LMBR1: variants seen among roughly 807,000 people sequenced by gnomAD.
The protein encoded by LMBR1 is limb region 1 protein homolog.
A neutral mutation model predicts 73.9 loss-of-function variants in LMBR1; 52 were observed. The observed-to-expected ratio is 0.70, with a 90% CI of 0.56 to 0.89. LMBR1 has a LOEUF of 0.89. LMBR1 is among the 40% of genes least tolerant of loss of function. LMBR1 has a pLI of 0.00. For missense variants in LMBR1, 539 were observed against 579.8 expected, an observed-to-expected ratio of 0.93 and a Z score of 0.72; for synonymous variants, 215 against 209.4, an observed-to-expected ratio of 1.03 and a Z score of -0.23.
chr7:156,761,334 C>T (rs957963901), intron 8 of LMBR1, among the ~76,000 whole-genome samples: 13 of 151,956 alleles, frequency 8.6e-5, no homozygotes, highest in African/African-American at 2.4e-4. Flanking sequence ...CCAAAGAAAG[C>T]GACAAATCAT....
At chr7:156,847,839 T>C (rs929645474) in intron 1 of LMBR1, among the ~76,000 whole-genome samples, 1 of 152,194 alleles carries the variant, frequency 6.6e-6, no homozygotes, top group African/African-American at 2.4e-5. Flanking sequence ...CACAGCCACT[T>C]TGGAAGATAA....
intron 4 of LMBR1, among the ~76,000 whole-genome samples, chr7:156,817,347 A>C (rs1834074063): frequency 6.6e-6 from 1 of 152,210 alleles, no homozygotes; most frequent in Non-Finnish European, 1.5e-5. Context: ...TTAAAGATCT[A>C]ATCCAATTAT....
In LMBR1 at chr7:156,807,256, T is replaced by A. The variant is rs1177700275; in HGVS notation, c.320-10764A>T. On this transcript the variant is annotated intron_variant, in intron 4 of 16. Coordinates refer to ENST00000353442, the MANE Select transcript of LMBR1 (RefSeq NM_022458.4). ...ATGCTGACCTCAGTGAATTAGGAAA[T>A]GTTCCCACATCTTCAATTTTCTAGA... Among the ~76,000 whole-genome samples the A allele has an allele frequency of 2.0e-5, 3 of 152,352 alleles. No homozygotes were observed. The East Asian group carries it at 5.8e-4, about 29-fold the overall frequency.
At position 156,680,415 on chromosome 7, in the gene LMBR1, T is replaced by TGTGTGTGC. The variant is rs1554456728; in HGVS notation, c.*3662_*3663insGCACACAC. ...GAGAGAGAGAGAGAGTGTGTGTGTGTGTGTGTGTGTAATGGGTTATTTCTT... is the reference window on the plus strand; with the variant it reads ...GAGAGAGAGAGAGAGTGTGTGTGTGTGTGTGTGCGTGTGTGTGTAATGGGTTATTTCTT... On this transcript the variant is annotated 3_prime_UTR_variant, in exon 17 of 17. Transcript: ENST00000353442. 40 of 147,060 alleles carry TGTGTGTGC rather than the reference T, an allele frequency of 2.7e-4. No homozygotes were observed. Among genetic ancestry groups the TGTGTGTGC allele is most frequent in the African/African-American group, 1.0e-3 (38 of 36,930 alleles). The allele number at this position is 147,060 out of a possible 1,614,324, so 9.1% of individuals were successfully genotyped here.
intron 4 of LMBR1, among the ~76,000 whole-genome samples, chr7:156,812,087 T>C (rs1833182582): frequency 6.6e-6 from 1 of 152,182 alleles, no homozygotes; most frequent in Non-Finnish European, 1.5e-5. Flanking sequence ...TCTTCACTAA[T>C]TATGTCTACA....
At chr7:156,724,337 C>T (rs1815260491) in intron 14 of LMBR1, among the ~76,000 whole-genome samples, 159 bp from the exon 15 acceptor site, 2 of 152,110 alleles carry the variant, frequency 1.3e-5, no homozygotes, top group Admixed American at 6.5e-5. Flanking sequence ...AAGAATAACA[C>T]ACTTTTAAAA....
chr7:156,764,200 G>A (rs1018622096), intron 5 of LMBR1, among the ~76,000 whole-genome samples: 4 of 152,156 alleles, frequency 2.6e-5, no homozygotes, highest in Non-Finnish European at 5.9e-5. Context: ...CGAGCTGCTG[G>A]AGAGCGCCGG....
intron 5 of LMBR1, among the ~76,000 whole-genome samples, chr7:156,785,395 G>A (rs561204560): frequency 4.6e-5 from 7 of 152,304 alleles, no homozygotes; most frequent in African/African-American, 1.7e-4. Flanking sequence ...AAGCTAAACA[G>A]TAAAAGTAAC....
chr7:156,872,642 C>T (rs1173668959), intron 1 of LMBR1, among the ~76,000 whole-genome samples: 3 of 150,140 alleles, frequency 2.0e-5, no homozygotes, highest in African/African-American at 7.3e-5. Flanking sequence ...AGCAAAACTC[C>T]GTCTCAAAAA....
chr7:156,688,600 T>A (rs1371955094), intron 15 of LMBR1, among the ~76,000 whole-genome samples: 1 of 151,808 alleles, frequency 6.6e-6, no homozygotes, highest in East Asian at 1.9e-4. Context: ...CCTGAGAACA[T>A]CCTTACACCT....
chr7:156,880,659 A>ATT (rs149473282), intron 1 of LMBR1, among the ~76,000 whole-genome samples: 1 of 151,244 alleles, frequency 6.6e-6, no homozygotes, highest in African/African-American at 2.4e-5. Context: ...TCCCAATGGT[A>ATT]TTTTTTTTTC....
intron 1 of LMBR1, among the ~76,000 whole-genome samples, chr7:156,868,644 C>T (rs1327316624): frequency 6.6e-6 from 1 of 151,116 alleles, no homozygotes; most frequent in Non-Finnish European, 1.5e-5. Flanking sequence ...GCTTGGGCAA[C>T]AGAGCAAGAT....
intron 5 of LMBR1, among the ~76,000 whole-genome samples, chr7:156,774,604 G>A (rs1246835303): frequency 6.6e-6 from 1 of 152,126 alleles, no homozygotes; most frequent in Non-Finnish European, 1.5e-5. Flanking sequence ...GGCTGAGGTG[G>A]GCAGATCATC....
intron 5 of LMBR1, among the ~76,000 whole-genome samples, chr7:156,789,988 A>G (rs566198133): frequency 1.3e-4 from 20 of 152,176 alleles, no homozygotes; most frequent in African/African-American, 4.6e-4. Context: ...GCTTTTCTTC[A>G]TTTAAACAGA....
intron 1 of LMBR1, among the ~76,000 whole-genome samples, chr7:156,864,832 C>G (rs1274730362): frequency 6.6e-6 from 1 of 151,918 alleles, no homozygotes; most frequent in Non-Finnish European, 1.5e-5. Flanking sequence ...CCCATCTCTA[C>G]TAAAAATACA....
intron 1 of LMBR1, among the ~76,000 whole-genome samples, chr7:156,864,619 A>C (rs1047577026): frequency 3.3e-5 from 5 of 152,090 alleles, no homozygotes; most frequent in African/African-American, 9.7e-5. Flanking sequence ...AGAAATCCTA[A>C]CTCCTAATTT....
At chr7:156,782,136 A>G (rs1827240580) in intron 5 of LMBR1, among the ~76,000 whole-genome samples, 1 of 152,226 alleles carries the variant, frequency 6.6e-6, no homozygotes, top group Non-Finnish European at 1.5e-5. Context: ...TCCACGTTGT[A>G]GCATGTGTCA....
chr7:156,884,161 G>A (rs533801393), intron 1 of LMBR1, among the ~76,000 whole-genome samples: 4 of 152,252 alleles, frequency 2.6e-5, no homozygotes, highest in East Asian at 1.9e-4. Flanking sequence ...TTACAACCAC[G>A]TGAGAAAAAG....
At chr7:156,763,494 A>G in intron 6 of LMBR1, among the ~76,000 whole-genome samples, 175 bp downstream of exon 6, 1 of 152,282 alleles carries the variant, frequency 6.6e-6, no homozygotes, top group African/African-American at 2.4e-5. Context: ...CATATAAAAT[A>G]AATAAAACTT....
Sources: allele counts gnomAD v4.1 joint callset (sites outside exome capture counted in the v4.1 genomes callset), GRCh38; gene constraint gnomAD v4.1.1; transcripts MANE v1.5; gene names NCBI Gene and HGNC (gene_info 2026-07-23, HGNC 2026-07-21).